AFAP1: variants seen among roughly 807,000 people sequenced by gnomAD.
The protein encoded by AFAP1 is actin filament associated protein 1.
AFAP1 carries 75 observed loss-of-function variants against 93.9 expected under a neutral mutation model. That is an observed-to-expected ratio of 0.80 (90% CI 0.66 to 0.97). AFAP1 has a LOEUF of 0.97. AFAP1 is among the 50% of genes least tolerant of loss of function. The pLI is 0.00. For synonymous variants in AFAP1, 517 were observed against 430.7 expected (o/e 1.20, Z -2.48); for missense variants, 1,201 against 1,050.8 (o/e 1.14, Z -1.98).
At chr4:7,853,989 A>G (rs1204759903) in intron 4 of AFAP1, among the ~76,000 whole-genome samples, 1 of 152,234 alleles carries the variant, frequency 6.6e-6, no homozygotes, top group African/African-American at 2.4e-5. Context: ...GCAGCTCCTC[A>G]GAATAAAAAT....
At chr4:7,839,998 T>A (rs1051161732) in intron 5 of AFAP1, among the ~76,000 whole-genome samples, 5 of 152,154 alleles carry the variant, frequency 3.3e-5, no homozygotes, top group Admixed American at 2.0e-4. Flanking sequence ...AATGTCGACA[T>A]CATATGAGGC....
chr4:7,794,409 T>G (rs1718192311), intron 10 of AFAP1, among the ~76,000 whole-genome samples: 2 of 152,242 alleles, frequency 1.3e-5, no homozygotes, highest in South Asian at 4.1e-4. Flanking sequence ...TGGGCTGCTT[T>G]AGGCACACCA....
intron 17 of AFAP1, among the ~76,000 whole-genome samples, chr4:7,764,999 G>A (rs1273586382): frequency 3.3e-5 from 5 of 152,138 alleles, no homozygotes; most frequent in African/African-American, 1.2e-4. Context: ...CCAGCTACTC[G>A]GTAGGCTGAG....
intron 1 of AFAP1, among the ~76,000 whole-genome samples, chr4:7,873,475 A>G (rs1429764065): frequency 6.9e-6 from 1 of 144,186 alleles, no homozygotes; most frequent in Non-Finnish European, 1.5e-5. Flanking sequence ...CAGCCTCCTG[A>G]GTAGCTGGGA....
chr4:7,914,954 G>A (rs1445021528), intron 1 of AFAP1, among the ~76,000 whole-genome samples: 1 of 152,158 alleles, frequency 6.6e-6, no homozygotes, highest in African/African-American at 2.4e-5. Context: ...TTACCACGTT[G>A]GCCAGGCTGG....
At position 7,760,394 on chromosome 4, in the gene AFAP1, G is replaced by GTCTC. The variant is rs755306542; in HGVS notation, c.*3367_*3370dup. 2 of 152,504 alleles carry GTCTC rather than the reference G, an allele frequency of 1.3e-5. No individual in the cohort carries two copies. Among genetic ancestry groups the GTCTC allele is most frequent in the Non-Finnish European group, 2.9e-5 (2 of 68,306 alleles). The allele number at this position is 152,504 out of a possible 1,614,324, so 9.4% of individuals were successfully genotyped here. A position where few individuals can be genotyped will look rare whatever the true frequency, so the allele number is the denominator to read the frequency against. Reference sequence around the variant, plus strand: ...CGCCGCCCGCCAGCCCCAAGGGAAGGTCTCAAGGAAGGCCCCATGGACAGT... The same window carrying GTCTC: ...CGCCGCCCGCCAGCCCCAAGGGAAGGTCTCTCTCAAGGAAGGCCCCATGGACAGT... On this transcript the variant is annotated 3_prime_UTR_variant, in exon 18 of 18. Transcript: ENST00000420658.
At chr4:7,913,122 C>T (rs112924778) in intron 1 of AFAP1, among the ~76,000 whole-genome samples, 3,659 of 152,244 alleles carry the variant, frequency 0.024, 67 homozygotes, top group South Asian at 0.071. Flanking sequence ...GGCACAGTGG[C>T]GCATGCCTGT....
Position 7,793,755 on chromosome 4 carries a change from C to T in AFAP1, c.1338G>A (p.Pro446=), listed in dbSNP as rs147041571. The change falls in exon 11 of 18, where the codon CCG becomes CCA. Residue 446 remains proline (P), a synonymous_variant. Coordinates refer to ENST00000420658, the MANE Select transcript of AFAP1 (RefSeq NM_001134647.2). The part of the protein sequence containing the change: ...LLAETGSSTD[P]EALHYDYIDV... Reference sequence around the variant, plus strand: ...CAATGTAGTCATAGTGCAGAGCCTCCGGGTCTGTGGACGATCCCGTCTCTG... The same window carrying T: ...CAATGTAGTCATAGTGCAGAGCCTCTGGGTCTGTGGACGATCCCGTCTCTG... The T allele has an allele frequency of 5.5e-5, 87 of 1,578,476 alleles. 2 individuals carry two copies. Among genetic ancestry groups the T allele is most frequent in the Middle Eastern group, 3.4e-4 (2 of 5,952 alleles).
At chr4:7,818,107 A>T (rs1720644837) in intron 7 of AFAP1, among the ~76,000 whole-genome samples, 1 of 152,198 alleles carries the variant, frequency 6.6e-6, no homozygotes, top group Admixed American at 6.5e-5. Flanking sequence ...GTGAGTAAGC[A>T]GCCTGCCCTC....
At chr4:7,893,525 G>A (rs1273748331) in intron 1 of AFAP1, among the ~76,000 whole-genome samples, 1 of 145,066 alleles carries the variant, frequency 6.9e-6, no homozygotes, top group Non-Finnish European at 1.5e-5. Flanking sequence ...ACCTTGCAGT[G>A]AGCCGAGATC....
intron 1 of AFAP1, among the ~76,000 whole-genome samples, chr4:7,938,649 G>C (rs1174480047): frequency 6.6e-6 from 1 of 152,116 alleles, no homozygotes; most frequent in African/African-American, 2.4e-5. Flanking sequence ...TGCTTGAAAC[G>C]CATTTTCCAG....
chr4:7,879,563 G>A lies in AFAP1; in HGVS notation c.-2-7483C>T, dbSNP rs547883555. On this transcript the variant is annotated intron_variant, in intron 1 of 17. Transcript: ENST00000420658. ...GACACCAAACAAAAGATCTGACCAC[G>A]GAATTTAGCATTCCCAAAGTGACGG... 1.1e-4 allele frequency among the ~76,000 whole-genome samples: 17 copies of A among 152,200 alleles called. No homozygotes were observed. The East Asian group carries it at 1.2e-3, about 10-fold the overall frequency.
chr4:7,874,480 C>T lies in AFAP1; in HGVS notation c.-2-2400G>A, dbSNP rs1717357529. On this transcript the variant is annotated intron_variant, in intron 1 of 17. Transcript: ENST00000420658. Reference sequence around the variant, plus strand: ...CTGGGCTCACGCCATTCTCCTGCCTCAGCCTCCTGAGCAGCTGGGACTACA... The same window carrying T: ...CTGGGCTCACGCCATTCTCCTGCCTTAGCCTCCTGAGCAGCTGGGACTACA... Among the ~76,000 whole-genome samples, 3 of 146,728 alleles carry T rather than the reference C, an allele frequency of 2.0e-5. No individual in the cohort carries two copies. In the Admixed American group the frequency reaches 2.1e-4, roughly 10 times the overall value.
intron 17 of AFAP1, among the ~76,000 whole-genome samples, chr4:7,767,738 G>A (rs147002423): frequency 1.8e-4 from 27 of 152,202 alleles, no homozygotes; most frequent in Admixed American, 2.6e-4. Context: ...TTCCCATCTC[G>A]CAGGAAACAC....
intron 6 of AFAP1, among the ~76,000 whole-genome samples, chr4:7,830,852 T>TC (rs1256635770): frequency 2.6e-5 from 4 of 152,124 alleles, no homozygotes; most frequent in African/African-American, 9.7e-5. Context: ...CAAGTGATCC[T>TC]CCCGCCTTGC....
chr4:7,780,515 T>G (rs189362030), intron 13 of AFAP1, among the ~76,000 whole-genome samples: 21 of 152,344 alleles, frequency 1.4e-4, no homozygotes, highest in Admixed American at 1.2e-3. Context: ...AATTCTTAGG[T>G]TAAATATGCA....
At chr4:7,898,981 G>T (rs906001741) in intron 1 of AFAP1, among the ~76,000 whole-genome samples, 10 of 147,206 alleles carry the variant, frequency 6.8e-5, no homozygotes, top group African/African-American at 2.5e-4. Flanking sequence ...TATATACAAT[G>T]GTATTGTATA....
intron 13 of AFAP1, 122 bp downstream of exon 13, chr4:7,781,254 A>C: frequency 8.1e-7 from 1 of 1,232,852 alleles, no homozygotes; most frequent in Non-Finnish European, 1.1e-6. Flanking sequence ...ATTCTAGTTG[A>C]GAAAAAAAAA....
intron 1 of AFAP1, among the ~76,000 whole-genome samples, chr4:7,898,322 C>T (rs1360902480): frequency 2.0e-5 from 3 of 151,928 alleles, no homozygotes; most frequent in Non-Finnish European, 2.9e-5. Context: ...GCAGGAGAAT[C>T]GCTTGAACCC....
Sources: allele counts gnomAD v4.1 joint callset (sites outside exome capture counted in the v4.1 genomes callset), GRCh38; gene constraint gnomAD v4.1.1; transcripts MANE v1.5; gene names NCBI Gene and HGNC (gene_info 2026-07-23, HGNC 2026-07-21).